The following TBC1D22A variants were observed in gnomAD, a reference collection of about 807,000 sequenced individuals.
TBC1D22A encodes putative GTPase activator.
TBC1D22A carries 38 observed loss-of-function variants against 60.2 expected under a neutral mutation model. That is an observed-to-expected ratio of 0.63 (90% CI 0.49 to 0.83). The LOEUF (loss-of-function observed/expected upper bound fraction) is 0.83, where lower values mean the gene tolerates loss of function less well. TBC1D22A is among the 40% of genes least tolerant of loss of function. TBC1D22A has a pLI of 0.00. For missense variants in TBC1D22A, 628 were observed against 701.0 expected (o/e 0.90, Z 1.18); for synonymous variants, 302 against 281.7 (o/e 1.07, Z -0.72).
chr22:47,070,496 C>G (rs1473334209), intron 11 of TBC1D22A, among the ~76,000 whole-genome samples: 1 of 150,584 alleles, frequency 6.6e-6, no homozygotes, highest in Non-Finnish European at 1.5e-5. Flanking sequence ...AGGCTGTTCC[C>G]TGTTGTTTGG....
chr22:46,870,638 C>T (rs952254581), intron 4 of TBC1D22A, among the ~76,000 whole-genome samples: 1 of 152,180 alleles, frequency 6.6e-6, no homozygotes, highest in Non-Finnish European at 1.5e-5. Context: ...AATCTGTAAG[C>T]AACAGAAATT....
chr22:46,978,791 T>C (rs973157205), intron 9 of TBC1D22A, among the ~76,000 whole-genome samples: 3 of 151,926 alleles, frequency 2.0e-5, no homozygotes, highest in African/African-American at 7.3e-5. Flanking sequence ...GTATTTTTGT[T>C]AGAGACAGGG....
At position 46,906,842 on chromosome 22, in the gene TBC1D22A, TTGTGTA is replaced by T. The variant is rs1275858061; in HGVS notation, c.901-5227_901-5222del. ...TAGGTGCATGTGTGTGTGTTCTTTT[TTGTGTA>T]TGTGCACTTGTGCCTCTGTGTGTGT... is the stretch of plus-strand genomic sequence containing the variant. On this transcript the variant is annotated intron_variant, in intron 7 of 12. Coordinates refer to ENST00000337137, the MANE Select transcript of TBC1D22A (RefSeq NM_014346.5). Among the ~76,000 whole-genome samples the T allele has an allele frequency of 2.0e-5, 3 of 150,006 alleles. No homozygotes were observed. In the South Asian group the frequency reaches 6.3e-4, roughly 32 times the overall value.
intron 7 of TBC1D22A, among the ~76,000 whole-genome samples, chr22:46,902,674 C>G (rs757183238): frequency 6.6e-6 from 1 of 152,232 alleles, no homozygotes; most frequent in Non-Finnish European, 1.5e-5. Flanking sequence ...CTCAGAGTCC[C>G]GTTCAAGTGG....
chr22:47,039,059 G>A (rs1037240197), intron 11 of TBC1D22A, among the ~76,000 whole-genome samples: 2 of 152,274 alleles, frequency 1.3e-5, no homozygotes, highest in African/African-American at 4.8e-5. Flanking sequence ...TCCCCATTAC[G>A]AATAAATTAG....
chr22:46,808,258 T>C (rs2085233568), intron 4 of TBC1D22A, among the ~76,000 whole-genome samples: 1 of 151,824 alleles, frequency 6.6e-6, no homozygotes, highest in African/African-American at 2.4e-5. Flanking sequence ...CTTAGGAAGC[T>C]GAGGCAGGAG....
intron 4 of TBC1D22A, among the ~76,000 whole-genome samples, chr22:46,853,600 T>C (rs2087405976): frequency 1.3e-5 from 2 of 152,212 alleles, no homozygotes; most frequent in South Asian, 2.1e-4. Flanking sequence ...CTGTTTCCCT[T>C]AAAATCTGGT....
In TBC1D22A at chr22:46,787,954, T is replaced by TG. The variant is rs1229271110; in HGVS notation, c.63-4563dup. On this transcript the variant is annotated intron_variant, in intron 1 of 12. Transcript: ENST00000337137. ...CTACTTTTTTTTTTTTTTTTTTTTT[T>TG]GGGACGGAGTCTTACTCTGTCACCC... 8.0e-5 allele frequency among the ~76,000 whole-genome samples: 12 copies of TG among 149,294 alleles called. No individual in the cohort carries two copies. In the East Asian group the frequency reaches 1.8e-3, roughly 22 times the overall value.
At position 47,051,860 on chromosome 22, in the gene TBC1D22A, G is replaced by A. The variant is rs181234014; in HGVS notation, c.1329+14662G>A. ...ATTCAGGGATTCAGTTTGTTTCAGC[G>A]GTGCTCTCCTGGCCACCTGCTGTTC... On this transcript the variant is annotated intron_variant, in intron 11 of 12. Coordinates refer to ENST00000337137, the MANE Select transcript of TBC1D22A (RefSeq NM_014346.5). 1.1e-4 allele frequency among the ~76,000 whole-genome samples: 17 copies of A among 152,324 alleles called. No individual in the cohort carries two copies. In the East Asian group the frequency reaches 2.7e-3, roughly 24 times the overall value.
chr22:46,786,692 A>T (rs185255277), intron 1 of TBC1D22A, among the ~76,000 whole-genome samples: 16 of 151,876 alleles, frequency 1.1e-4, no homozygotes, highest in African/African-American at 3.9e-4. Context: ...CTTTATTTTT[A>T]TTTTTTATTT....
intron 8 of TBC1D22A, among the ~76,000 whole-genome samples, chr22:46,962,348 AAAG>A (rs79597304): frequency 0.059 from 9,056 of 152,348 alleles, 376 homozygotes; most frequent in Non-Finnish European, 0.09. Flanking sequence ...GCAGAGCTGA[AAAG>A]AAGGTCAAGG....
intron 7 of TBC1D22A, among the ~76,000 whole-genome samples, chr22:46,911,198 G>T (rs1382695740): frequency 1.3e-5 from 2 of 152,094 alleles, no homozygotes; most frequent in African/African-American, 4.8e-5. Context: ...TGGAGAGAGG[G>T]TCCACTGAAT....
chr22:46,985,472 C>G (rs779421405), intron 9 of TBC1D22A, among the ~76,000 whole-genome samples: 2 of 152,136 alleles, frequency 1.3e-5, no homozygotes, highest in African/African-American at 2.4e-5. Context: ...TGGGCTCTGA[C>G]AGAAGGTTCA....
chr22:47,098,844 A>G (rs545105624), intron 11 of TBC1D22A, among the ~76,000 whole-genome samples: 1 of 152,334 alleles, frequency 6.6e-6, no homozygotes, highest in East Asian at 1.9e-4. Flanking sequence ...TCTGGCAAAC[A>G]GCTGTGCTCT....
intron 11 of TBC1D22A, among the ~76,000 whole-genome samples, chr22:47,080,363 T>G (rs71313092): frequency 0.029 from 4,363 of 152,334 alleles, 96 homozygotes; most frequent in Non-Finnish European, 0.041. Flanking sequence ...TCACCATGAT[T>G]TCCTGGGCCG....
intron 4 of TBC1D22A, among the ~76,000 whole-genome samples, chr22:46,858,070 C>T (rs1312511257): frequency 6.6e-6 from 1 of 152,186 alleles, no homozygotes; most frequent in East Asian, 1.9e-4. Flanking sequence ...GCAGCTGCCA[C>T]AGCATTTTAC....
At chr22:47,098,701 A>G (rs1201301050) in intron 11 of TBC1D22A, among the ~76,000 whole-genome samples, 3 of 152,174 alleles carry the variant, frequency 2.0e-5, no homozygotes, top group Non-Finnish European at 4.4e-5. Context: ...GACAGGTCAG[A>G]TGACTCGCAT....
intron 1 of TBC1D22A, among the ~76,000 whole-genome samples, chr22:46,769,304 G>C (rs1226559858): frequency 2.0e-5 from 3 of 152,218 alleles, no homozygotes; most frequent in African/African-American, 7.2e-5. Flanking sequence ...TCCGTCCTCA[G>C]CCGAAGGAGA....
At chr22:46,809,869 C>G (rs1040686528) in intron 4 of TBC1D22A, among the ~76,000 whole-genome samples, 1 of 152,154 alleles carries the variant, frequency 6.6e-6, no homozygotes, top group Non-Finnish European at 1.5e-5. Flanking sequence ...ATATAGATGG[C>G]ATTTGTTGTC....
Sources: allele counts gnomAD v4.1 joint callset (sites outside exome capture counted in the v4.1 genomes callset), GRCh38; gene constraint gnomAD v4.1.1; transcripts MANE v1.5; gene names NCBI Gene and HGNC (gene_info 2026-07-23, HGNC 2026-07-21).